Variants in NALF1 observed in about 807,000 individuals in gnomAD.
NALF1 encodes NALCN channel auxiliary factor 1.
In NALF1, 3 loss-of-function variants were observed where a neutral mutation model predicts 48.4. The observed-to-expected ratio is 0.06, with a 90% CI of 0.03 to 0.16. NALF1 has a LOEUF of 0.16. Among genes scored for constraint, NALF1 ranks in the 10% least tolerant of loss-of-function variants. The pLI, the probability that NALF1 is intolerant of heterozygous loss-of-function variation, is 1.00. For missense variants in NALF1, 526 were observed against 571.5 expected (o/e 0.92, Z 0.81); for synonymous variants, 262 against 245.7 (o/e 1.07, Z -0.62).
chr13:107,523,624 T>C (rs1876325617), intron 1 of NALF1, among the ~76,000 whole-genome samples: 1 of 149,238 alleles, frequency 6.7e-6, no homozygotes, highest in Non-Finnish European at 1.5e-5. Context: ...GAGGTAACGG[T>C]TGGAGCAGGA....
rs1455753217 is a variant in NALF1, at chr13:107,166,356, G to A, written c.*4141C>T. On this transcript the variant is annotated 3_prime_UTR_variant, in exon 3 of 3. Transcript: ENST00000375915. ...AATCGCTTGAACCCAGGAAGTGGAG[G>A]TTGCAGTGAGCAGAGATCTTGCCGC... 1 of 152,256 alleles carries A rather than the reference G, an allele frequency of 6.6e-6. No individual in the cohort carries two copies. The highest frequency in any genetic ancestry group is 1.9e-4 in the East Asian group (1 of 5,192). The allele number at this position is 152,256 out of a possible 1,614,324, so 9.4% of individuals were successfully genotyped here.
chr13:107,393,776 C>CA (rs1287844061), intron 1 of NALF1, among the ~76,000 whole-genome samples: 6 of 152,084 alleles, frequency 3.9e-5, no homozygotes, highest in African/African-American at 1.2e-4. Flanking sequence ...CAATGGGAAT[C>CA]AGTCAAGGTG....
rs144251961 is a variant in NALF1, at chr13:107,376,355, C to T, written c.916-165600G>A. Among the ~76,000 whole-genome samples the T allele has an allele frequency of 2.3e-3, 357 of 152,262 alleles. 2 individuals carry two copies. Among genetic ancestry groups the T allele is most frequent in the African/African-American group, 8.2e-3 (340 of 41,556 alleles). On this transcript the variant is annotated intron_variant, in intron 1 of 2. Coordinates refer to ENST00000375915, the MANE Select transcript of NALF1 (RefSeq NM_001080396.3). ...TGTGTGGGATTAAGAAGAATTTACA[C>T]GTTTCCTCCTCCACATTCTTCAACT...
chr13:107,200,957 G>A (rs893395729), intron 2 of NALF1, among the ~76,000 whole-genome samples: 6 of 152,110 alleles, frequency 3.9e-5, no homozygotes, highest in African/African-American at 1.2e-4. Context: ...CTGGAGCTGC[G>A]GGGCCAGGGG....
chr13:107,545,914 G>C (rs1877124477), intron 1 of NALF1, among the ~76,000 whole-genome samples: 1 of 152,110 alleles, frequency 6.6e-6, no homozygotes, highest in Non-Finnish European at 1.5e-5. Flanking sequence ...CCTCTGTACA[G>C]ACTTCTTCCT....
chr13:107,548,130 C>T (rs916836680), intron 1 of NALF1, among the ~76,000 whole-genome samples: 1 of 152,118 alleles, frequency 6.6e-6, no homozygotes, highest in African/African-American at 2.4e-5. Flanking sequence ...TCCTCCCACC[C>T]TCCATCCTCG....
At chr13:107,633,304 C>CA (rs1879882261) in intron 1 of NALF1, among the ~76,000 whole-genome samples, 1 of 151,960 alleles carries the variant, frequency 6.6e-6, no homozygotes, top group Non-Finnish European at 1.5e-5. Context: ...AAAATTGTGT[C>CA]AGAGTACTCA....
At chr13:107,274,448 A>C (rs12429747) in intron 1 of NALF1, among the ~76,000 whole-genome samples, 9,706 of 152,022 alleles carry the variant, frequency 0.064, 497 homozygotes, top group African/African-American at 0.12. Flanking sequence ...GGCAGTGCCA[A>C]CTCCATGGGA....
intron 2 of NALF1, among the ~76,000 whole-genome samples, chr13:107,200,276 A>T (rs529349907): frequency 5.3e-5 from 8 of 152,278 alleles, no homozygotes; most frequent in African/African-American, 1.7e-4. Context: ...GGAAGCTTTG[A>T]CAGACGGGCA....
At chr13:107,180,876 T>C (rs1879046349) in intron 2 of NALF1, among the ~76,000 whole-genome samples, 3 of 151,786 alleles carry the variant, frequency 2.0e-5, no homozygotes, top group Admixed American at 2.0e-4. Flanking sequence ...TTGTGGATAA[T>C]GTTTCCTAAA....
intron 1 of NALF1, among the ~76,000 whole-genome samples, chr13:107,658,260 T>G (rs1022363232): frequency 6.6e-6 from 1 of 151,722 alleles, no homozygotes; most frequent in East Asian, 1.9e-4. Flanking sequence ...TATCTTTAAT[T>G]TTTTCCTTCT....
chr13:107,788,359 A>G (rs1878133282), intron 1 of NALF1: 1 of 151,906 alleles, frequency 6.6e-6, no homozygotes, highest in Admixed American at 6.6e-5. Context: ...TAATTTTTCT[A>G]TTTGGGACAT....
At chr13:107,532,004 C>T (rs1055324048) in intron 1 of NALF1, among the ~76,000 whole-genome samples, 1 of 152,028 alleles carries the variant, frequency 6.6e-6, no homozygotes, top group Non-Finnish European at 1.5e-5. Context: ...TGCATACTTA[C>T]CTAACTTGAA....
intron 1 of NALF1, among the ~76,000 whole-genome samples, chr13:107,644,684 A>T (rs1745453158): frequency 1.1e-5 from 1 of 94,968 alleles, no homozygotes; most frequent in South Asian, 3.4e-4. Context: ...CTTAAGTTGC[A>T]AATCATAGCA....
At chr13:107,283,642 T>G (rs1881432331) in intron 1 of NALF1, among the ~76,000 whole-genome samples, 1 of 148,326 alleles carries the variant, frequency 6.7e-6, no homozygotes, top group African/African-American at 2.5e-5. Context: ...ATTTATTTAT[T>G]TATTTATTTA....
intron 1 of NALF1, among the ~76,000 whole-genome samples, chr13:107,259,513 G>T (rs1409979687): frequency 6.6e-6 from 1 of 152,194 alleles, no homozygotes; most frequent in African/African-American, 2.4e-5. Flanking sequence ...TGAGGACATT[G>T]CTGGAGTGAG....
intron 1 of NALF1, among the ~76,000 whole-genome samples, chr13:107,840,366 T>C (rs942812919): frequency 5.3e-5 from 8 of 152,336 alleles, no homozygotes; most frequent in African/African-American, 1.9e-4. Flanking sequence ...AAAGTGGCAG[T>C]AGGTGGTCCA....
intron 1 of NALF1, among the ~76,000 whole-genome samples, chr13:107,586,540 G>A (rs1878461882): frequency 6.6e-6 from 1 of 151,062 alleles, no homozygotes; most frequent in African/African-American, 2.4e-5. Context: ...ATCTATTTAT[G>A]GGAAGTAGGT....
chr13:107,731,512 G>A (rs1876307957), intron 1 of NALF1, among the ~76,000 whole-genome samples: 1 of 152,036 alleles, frequency 6.6e-6, no homozygotes, highest in Non-Finnish European at 1.5e-5. Flanking sequence ...ATTAAGTCTA[G>A]TACCCAACAG....
Sources: allele counts gnomAD v4.1 joint callset (sites outside exome capture counted in the v4.1 genomes callset), GRCh38; gene constraint gnomAD v4.1.1; transcripts MANE v1.5; gene names NCBI Gene and HGNC (gene_info 2026-07-23, HGNC 2026-07-21).